The following PMP22 variants were observed in gnomAD, a reference collection of about 807,000 sequenced individuals.
PMP22 encodes peripheral myelin protein 22.
PMP22 carries 2 observed loss-of-function variants against 18.9 expected under a neutral mutation model. The observed-to-expected ratio is 0.11, with a 90% confidence interval of 0.04 to 0.33. The LOEUF (loss-of-function observed/expected upper bound fraction) is 0.33. PMP22 is among the 10% of genes least tolerant of loss of function. The pLI is 1.00. For synonymous variants in PMP22, 95 were observed against 89.2 expected (o/e 1.07, Z -0.37); for missense variants, 169 against 202.2 (o/e 0.84, Z 1.00).
chr17:15,244,006 G>A (rs1463725092), intron 3 of PMP22, among the ~76,000 whole-genome samples: 1 of 151,974 alleles, frequency 6.6e-6, no homozygotes, highest in Non-Finnish European at 1.5e-5. Context: ...AATACATAGT[G>A]TTGGCTATTC....
Position 15,230,805 on chromosome 17 carries a change from T to G in PMP22, c.*112A>C. 2 of 1,126,388 alleles carry G rather than the reference T, an allele frequency of 1.8e-6. No homozygotes were observed. The highest frequency in any genetic ancestry group is 2.7e-6 in the Non-Finnish European group (2 of 749,592). 69.8% of individuals were successfully genotyped at this position (1,126,388 alleles called of 1,614,324 possible). A position where few individuals can be genotyped will look rare whatever the true frequency, so the allele number is the denominator to read the frequency against. On this transcript the variant is annotated 3_prime_UTR_variant, in exon 5 of 5. Coordinates refer to ENST00000312280, the MANE Select transcript of PMP22 (RefSeq NM_000304.4). ...CCACCTCCACTGCTTTCTGTTTGGTTTGGTTTGAGTTTGGGATTTTGGGCT... is the reference window on the plus strand; with the variant it reads ...CCACCTCCACTGCTTTCTGTTTGGTGTGGTTTGAGTTTGGGATTTTGGGCT...
intron 4 of PMP22, among the ~76,000 whole-genome samples, chr17:15,236,754 A>C (rs1906854450): frequency 6.6e-6 from 1 of 152,174 alleles, no homozygotes; most frequent in Non-Finnish European, 1.5e-5. Context: ...TAGAACTGTC[A>C]CACGATAAGG....
Position 15,258,484 on chromosome 17 carries a change from G to A in PMP22, c.178+610C>T, listed in dbSNP as rs1909024330. Among the ~76,000 whole-genome samples, 4 of 152,114 alleles carry A rather than the reference G, an allele frequency of 2.6e-5. No homozygotes were observed. Among genetic ancestry groups the A allele is most frequent in the Admixed American group, 2.6e-4 (4 of 15,276 alleles). The stretch of plus-strand genomic sequence containing the variant: ...ACAAGCAAAGATGCTGAGGACAGAG[G>A]AGAAATACGATCTTCTGGATTAAGG... On this transcript the variant is annotated intron_variant, in intron 3 of 4. Coordinates refer to ENST00000312280, the MANE Select transcript of PMP22 (RefSeq NM_000304.4). The surrounding 1 kb of genome is among the most constrained non-coding windows in gnomAD (Gnocchi z 4.1).
chr17:15,260,823 A>T, intron 1 of PMP22, 62 bp from the exon 2 acceptor site: 1 of 1,130,154 alleles, frequency 8.8e-7, no homozygotes, highest in Non-Finnish European at 1.3e-6. Context: ...AGGCGCGCGC[A>T]GAGGGAGGGT....
At chr17:15,252,310 A>T (rs1027016926) in intron 3 of PMP22, among the ~76,000 whole-genome samples, 2 of 152,160 alleles carry the variant, frequency 1.3e-5, no homozygotes, top group Admixed American at 1.3e-4. Context: ...GGCTGCTGAG[A>T]CTGGCAAGAT....
intron 2 of PMP22, 113 bp from the exon 3 acceptor site, chr17:15,259,306 C>T (rs1409845797): frequency 7.5e-6 from 6 of 805,240 alleles, no homozygotes; most frequent in African/African-American, 3.4e-5. Context: ...CCTAGCCACA[C>T]CGCCCACCCC....
intron 3 of PMP22, among the ~76,000 whole-genome samples, chr17:15,239,911 C>A (rs1277960526): frequency 6.6e-6 from 1 of 151,852 alleles, no homozygotes; most frequent in African/African-American, 2.4e-5. Flanking sequence ...TACATATATA[C>A]CTATATGTAC....
chr17:15,242,777 G>C (rs993247270), intron 3 of PMP22, among the ~76,000 whole-genome samples: 3 of 152,142 alleles, frequency 2.0e-5, no homozygotes, highest in African/African-American at 7.2e-5. Flanking sequence ...ACATGGGACA[G>C]CTTTTCAAAC....
intron 4 of PMP22, among the ~76,000 whole-genome samples, chr17:15,236,143 C>A (rs111467752): frequency 0.021 from 3,115 of 151,930 alleles, 137 homozygotes; most frequent in African/African-American, 0.071. Flanking sequence ...AAGGAAGGAG[C>A]CTTTTGATAT....
At chr17:15,252,627 T>G (rs551928263) in intron 3 of PMP22, among the ~76,000 whole-genome samples, 8 of 152,222 alleles carry the variant, frequency 5.3e-5, no homozygotes, top group Non-Finnish European at 7.3e-5. Context: ...ATTCCCTTCA[T>G]GCTTTGGTGT....
intron 3 of PMP22, among the ~76,000 whole-genome samples, chr17:15,240,405 A>ATTTTTTTTTTTTTTTTTTTTTTTTTT (rs59646634): frequency 8.2e-6 from 1 of 121,434 alleles, no homozygotes; most frequent in Non-Finnish European, 1.7e-5. Flanking sequence ...GACAACCCGT[A>ATTTTTTTTTTTTTTTTTTTTTTTTTT]TTTTTTTTTT....
intron 3 of PMP22, among the ~76,000 whole-genome samples, chr17:15,255,477 A>G (rs1400982754): frequency 6.6e-6 from 1 of 152,120 alleles, no homozygotes; most frequent in African/African-American, 2.4e-5. Flanking sequence ...AGCCAAACCC[A>G]AGAGATGGCA....
At chr17:15,249,272 G>A (rs528143993) in intron 3 of PMP22, among the ~76,000 whole-genome samples, 5 of 152,168 alleles carry the variant, frequency 3.3e-5, no homozygotes, top group Non-Finnish European at 5.9e-5. Context: ...CAGAGGCTCC[G>A]GGACCCATGC....
chr17:15,264,175 T>C (rs575686845), intron 1 of PMP22, among the ~76,000 whole-genome samples: 1 of 152,262 alleles, frequency 6.6e-6, no homozygotes, highest in African/African-American at 2.4e-5. Flanking sequence ...AGGGAAGACC[T>C]GACCACCTCT....
intron 4 of PMP22, among the ~76,000 whole-genome samples, chr17:15,238,355 A>G (rs752885036): frequency 3.9e-5 from 6 of 152,170 alleles, no homozygotes; most frequent in Admixed American, 6.5e-5. Context: ...ATACAACCCT[A>G]TTTACGTCAA....
At chr17:15,241,913 T>G (rs1158845698) in intron 3 of PMP22, among the ~76,000 whole-genome samples, 1 of 152,108 alleles carries the variant, frequency 6.6e-6, no homozygotes, top group Non-Finnish European at 1.5e-5. Context: ...ATAAAACACA[T>G]GCATTAAGAT....
chr17:15,233,718 G>A lies in PMP22; in HGVS notation c.320-2638C>T, dbSNP rs183932868. ...AGTGAGACATGGCTCCTACCTTAAGGACTGTGTGTCTAGAAGACAGACATT... is the reference window on the plus strand; with the variant it reads ...AGTGAGACATGGCTCCTACCTTAAGAACTGTGTGTCTAGAAGACAGACATT... On this transcript the variant is annotated intron_variant, in intron 4 of 4. Coordinates refer to ENST00000312280, the MANE Select transcript of PMP22 (RefSeq NM_000304.4). 7.2e-3 allele frequency among the ~76,000 whole-genome samples: 1,100 copies of A among 152,298 alleles called. 10 individuals carry two copies. Among genetic ancestry groups the A allele is most frequent in the Non-Finnish European group, 0.011 (755 of 68,028 alleles).
At position 15,260,780 on chromosome 17, in the gene PMP22, G is replaced by A. The variant is rs955090138; in HGVS notation, c.-34-19C>T. ...TTTCTGCCTGCGAGGAGAGCGCTGG[G>A]CGTGAGGCCGAACGCACTGGGCCGA... On this transcript the variant is annotated intron_variant, in intron 1 of 4. Transcript: ENST00000312280. The A allele has an allele frequency of 2.7e-6, 4 of 1,475,810 alleles. No individual in the cohort carries two copies. Among genetic ancestry groups the A allele is most frequent in the Non-Finnish European group, 3.7e-6 (4 of 1,078,422 alleles). The allele number at this position is 1,475,810 out of a possible 1,614,324, so 91.4% of individuals were successfully genotyped here.
intron 4 of PMP22, among the ~76,000 whole-genome samples, chr17:15,234,348 T>C (rs1225966745): frequency 6.6e-6 from 1 of 152,162 alleles, no homozygotes; most frequent in Non-Finnish European, 1.5e-5. Context: ...CTTCAAAGTG[T>C]ACTTTGGTAA....
Sources: allele counts gnomAD v4.1 joint callset (sites outside exome capture counted in the v4.1 genomes callset), GRCh38; gene constraint gnomAD v4.1.1; non-coding constraint Gnocchi (gnomAD v3.1); transcripts MANE v1.5; gene names NCBI Gene and HGNC (gene_info 2026-07-23, HGNC 2026-07-21).